DDC: variants seen among roughly 807,000 people sequenced by gnomAD.
DDC encodes the protein aromatic-L-amino-acid decarboxylase.
A neutral mutation model predicts 60.0 loss-of-function variants in DDC; 43 were observed. That is an observed-to-expected ratio of 0.72 (90% CI 0.56 to 0.92). The LOEUF (loss-of-function observed/expected upper bound fraction) is 0.92. DDC is among the 40% of genes least tolerant of loss of function. The pLI is 0.00. For missense variants in DDC, 573 were observed against 620.2 expected, an observed-to-expected ratio of 0.92 and a Z score of 0.81; for synonymous variants, 232 against 234.6, an observed-to-expected ratio of 0.99 and a Z score of 0.10.
At chr7:50,481,150 G>A (rs1236616323) in intron 9 of DDC, among the ~76,000 whole-genome samples, 1 of 152,210 alleles carries the variant, frequency 6.6e-6, no homozygotes, top group African/African-American at 2.4e-5. Context: ...CTGAGATGTG[G>A]CTTACCAAGG....
intron 14 of DDC, among the ~76,000 whole-genome samples, chr7:50,460,266 C>A (rs562746026): frequency 4.5e-4 from 66 of 145,746 alleles, no homozygotes; most frequent in African/African-American, 1.7e-3. Context: ...CCTGCCGCCC[C>A]GTCCGGGAGG....
At chr7:50,545,762 C>T (rs183989255) in intron 1 of DDC, among the ~76,000 whole-genome samples, 148 of 152,278 alleles carry the variant, frequency 9.7e-4, no homozygotes, top group Middle Eastern at 3.4e-3. Context: ...CATGAGCCAC[C>T]GCTCCCAGCC....
chr7:50,562,027 A>ACATACACATACACATG (rs2045351884), intron 1 of DDC, among the ~76,000 whole-genome samples: 1 of 152,154 alleles, frequency 6.6e-6, no homozygotes, highest in African/African-American at 2.4e-5. Flanking sequence ...ACATACACAT[A>ACATACACATACACATG]CCACATCCAG....
At chr7:50,560,878 C>G (rs1324521405) in intron 1 of DDC, 1 of 152,120 alleles carries the variant, frequency 6.6e-6, no homozygotes, top group African/African-American at 2.4e-5. Context: ...CCCTGTCAGC[C>G]GAACCTCCTT....
chr7:50,544,205 G>T (rs1289178367), intron 1 of DDC, 92 bp from the exon 2 acceptor site: 21 of 933,408 alleles, frequency 2.2e-5, no homozygotes, highest in Non-Finnish European at 3.6e-5. Flanking sequence ...GGACACCTGG[G>T]CAGTGACTGC....
chr7:50,527,314 A>C (rs1234468790), intron 6 of DDC, among the ~76,000 whole-genome samples: 2 of 152,128 alleles, frequency 1.3e-5, no homozygotes, highest in Non-Finnish European at 1.5e-5. Context: ...TGTTTCCTGC[A>C]TTGTTTTCAT....
At chr7:50,462,469 G>A (rs912224110) in intron 14 of DDC, among the ~76,000 whole-genome samples, 1 of 152,116 alleles carries the variant, frequency 6.6e-6, no homozygotes, top group African/African-American at 2.4e-5. Context: ...CCTCACAACT[G>A]CAAGAAGCCC....
chr7:50,479,882 T>C lies in DDC; in HGVS notation c.945-19A>G. 1.2e-6 allele frequency: 2 copies of C among 1,607,304 alleles called. No individual in the cohort carries two copies. Among genetic ancestry groups the C allele is most frequent in the Non-Finnish European group, 1.7e-6 (2 of 1,174,322 alleles). ...TTTCACCCTGGTTTTAGAGAACAAA[T>C]GAAAGGGCTGATAACCAAGTACCCT... On this transcript the variant is annotated intron_variant, in intron 9 of 14. Transcript: ENST00000444124.
chr7:50,536,406 C>T (rs966614461), intron 4 of DDC, among the ~76,000 whole-genome samples: 7 of 152,184 alleles, frequency 4.6e-5, no homozygotes, highest in Admixed American at 2.0e-4. Context: ...ATCACAGGCA[C>T]GCATCCTTAA....
chr7:50,531,079 A>G (rs2044189724), intron 4 of DDC, among the ~76,000 whole-genome samples: 1 of 152,090 alleles, frequency 6.6e-6, no homozygotes, highest in Admixed American at 6.5e-5. Context: ...CTCTTAATTC[A>G]GCATCTAAAA....
At chr7:50,547,123 A>AAC (rs2044833025) in intron 1 of DDC, among the ~76,000 whole-genome samples, 1 of 152,228 alleles carries the variant, frequency 6.6e-6, no homozygotes, top group Admixed American at 6.5e-5. Flanking sequence ...CTCAAATGGT[A>AAC]TCACACTGCA....
chr7:50,495,957 C>T (rs1338515912), intron 8 of DDC, among the ~76,000 whole-genome samples: 1 of 152,196 alleles, frequency 6.6e-6, no homozygotes, highest in Non-Finnish European at 1.5e-5. Flanking sequence ...TCATGATAAA[C>T]AGTGGGAAAG....
intron 6 of DDC, among the ~76,000 whole-genome samples, chr7:50,511,683 C>T (rs891770012): frequency 4.0e-5 from 6 of 151,820 alleles, no homozygotes; most frequent in African/African-American, 7.3e-5. Context: ...GAGCCAAGAT[C>T]GCGCCACTGC....
chr7:50,534,889 G>T (rs1264322146), intron 4 of DDC, among the ~76,000 whole-genome samples: 2 of 152,188 alleles, frequency 1.3e-5, no homozygotes, highest in Non-Finnish European at 2.9e-5. Context: ...AAGGCAAAGT[G>T]CAGCTGACAG....
At chr7:50,541,699 A>C (rs2044639056) in intron 2 of DDC, among the ~76,000 whole-genome samples, 2 of 152,206 alleles carry the variant, frequency 1.3e-5, no homozygotes, top group African/African-American at 2.4e-5. Context: ...GTGAGAAATC[A>C]ATGTTGTTTA....
intron 7 of DDC, 136 bp downstream of exon 7, chr7:50,503,857 T>G (rs373527413): frequency 4.8e-5 from 36 of 748,098 alleles, no homozygotes; most frequent in African/African-American, 3.6e-4. Flanking sequence ...GTTTGTGTTA[T>G]TGCAAATACG....
chr7:50,504,677 T>G (rs1280803921), intron 6 of DDC, among the ~76,000 whole-genome samples: 1 of 151,990 alleles, frequency 6.6e-6, no homozygotes, highest in Non-Finnish European at 1.5e-5. Context: ...AAGCCTGGGA[T>G]TTTTTCCTAG....
At chr7:50,487,565 A>G (rs2042912630) in intron 9 of DDC, among the ~76,000 whole-genome samples, 1 of 152,138 alleles carries the variant, frequency 6.6e-6, no homozygotes, top group Non-Finnish European at 1.5e-5. Flanking sequence ...AGAGTTCTGA[A>G]GTAAAAGCTA....
At chr7:50,540,896 T>C (rs2044609292) in intron 2 of DDC, among the ~76,000 whole-genome samples, 1 of 152,066 alleles carries the variant, frequency 6.6e-6, no homozygotes, top group Non-Finnish European at 1.5e-5. Flanking sequence ...TTAGCAATGG[T>C]AACAAGGGGC....
Sources: allele counts gnomAD v4.1 joint callset (sites outside exome capture counted in the v4.1 genomes callset), GRCh38; gene constraint gnomAD v4.1.1; transcripts MANE v1.5; gene names NCBI Gene and HGNC (gene_info 2026-07-23, HGNC 2026-07-21).